Variants in CACNB2 observed in about 807,000 individuals in gnomAD.
The protein encoded by CACNB2 is voltage-dependent L-type calcium channel subunit beta-2.
Under a neutral mutation model 73.3 loss-of-function variants are expected in CACNB2, and 42 were observed. That is an observed-to-expected ratio of 0.57 (90% confidence interval 0.45 to 0.74). CACNB2 has a LOEUF of 0.74. CACNB2 is among the 30% of genes least tolerant of loss of function. CACNB2 has a pLI of 0.00. For missense variants in CACNB2, 940 were observed against 853.0 expected (o/e 1.10, Z -1.27); for synonymous variants, 348 against 310.3 (o/e 1.12, Z -1.28).
chr10:18,515,115 T>C, intron 7 of CACNB2: 2 of 1,230,170 alleles, frequency 1.6e-6, no homozygotes, highest in Non-Finnish European at 2.4e-6. Context: ...GATTTTACCA[T>C]CTCACCCTTT....
intron 3 of CACNB2, among the ~76,000 whole-genome samples, chr10:18,467,336 C>T (rs2047948614): frequency 1.3e-5 from 2 of 152,166 alleles, no homozygotes; most frequent in Non-Finnish European, 2.9e-5. Context: ...TCAGTATTGG[C>T]AATTTCACAC....
intron 3 of CACNB2, among the ~76,000 whole-genome samples, chr10:18,462,943 G>C (rs1659492188): frequency 6.6e-6 from 1 of 151,878 alleles, no homozygotes; most frequent in South Asian, 2.1e-4. Context: ...ATTTTTAGTA[G>C]AGACGGGGTT....
chr10:18,294,682 C>G (rs1342087397), intron 2 of CACNB2, among the ~76,000 whole-genome samples: 6 of 152,182 alleles, frequency 3.9e-5, no homozygotes, highest in African/African-American at 1.4e-4. Context: ...ATGTGGGACT[C>G]AAGCATTCCC....
At chr10:18,161,269 C>T (rs927442026) in intron 2 of CACNB2, among the ~76,000 whole-genome samples, 3 of 152,168 alleles carry the variant, frequency 2.0e-5, no homozygotes, top group African/African-American at 7.2e-5. Flanking sequence ...ATTATTTTGG[C>T]TTCAAGCCTG....
intron 2 of CACNB2, among the ~76,000 whole-genome samples, chr10:18,253,835 G>A (rs1025967394): frequency 8.5e-5 from 13 of 152,136 alleles, no homozygotes; most frequent in African/African-American, 2.9e-4. Context: ...AAGTTTGGGC[G>A]CGAAGACAAT....
chr10:18,257,715 G>A (rs1352329842), intron 2 of CACNB2, among the ~76,000 whole-genome samples: 1 of 152,020 alleles, frequency 6.6e-6, no homozygotes, highest in Non-Finnish European at 1.5e-5. Context: ...TGTTCCCTTG[G>A]CGTTCCCATT....
chr10:18,323,447 C>A (rs1423488680), intron 2 of CACNB2, among the ~76,000 whole-genome samples: 1 of 151,456 alleles, frequency 6.6e-6, no homozygotes, highest in Admixed American at 6.6e-5. Context: ...GTATAATATT[C>A]CATTTTAGAA....
At chr10:18,250,593 A>C (rs1472499272) in intron 2 of CACNB2, among the ~76,000 whole-genome samples, 1 of 151,670 alleles carries the variant, frequency 6.6e-6, no homozygotes, top group Non-Finnish European at 1.5e-5. Flanking sequence ...GCTAGCAATG[A>C]CTATGGACGA....
chr10:18,403,551 G>A (rs906740088), intron 3 of CACNB2, among the ~76,000 whole-genome samples: 2 of 152,168 alleles, frequency 1.3e-5, no homozygotes, highest in Non-Finnish European at 2.9e-5. Context: ...CCAATAGACT[G>A]TAGGTTTGGT....
At chr10:18,326,825 C>G (rs187398010) in intron 2 of CACNB2, among the ~76,000 whole-genome samples, 4 of 152,300 alleles carry the variant, frequency 2.6e-5, no homozygotes, top group African/African-American at 9.6e-5. Flanking sequence ...CTTCTGGGCT[C>G]AAGCAATCCT....
intron 2 of CACNB2, among the ~76,000 whole-genome samples, chr10:18,173,501 G>A (rs2033388707): frequency 6.6e-6 from 1 of 152,152 alleles, no homozygotes; most frequent in African/African-American, 2.4e-5. Flanking sequence ...ATGTATTCCT[G>A]GTTGAGAGAT....
chr10:18,421,858 C>T lies in CACNB2; in HGVS notation c.333+19815C>T, dbSNP rs1282018956. On this transcript the variant is annotated intron_variant, in intron 3 of 13. Transcript: ENST00000324631. ...GGCTGATGCTTGAAGAACTATGGAACGTTGGGGTGTATTCCTTTGCTCTCA... is the reference window on the plus strand; with the variant it reads ...GGCTGATGCTTGAAGAACTATGGAATGTTGGGGTGTATTCCTTTGCTCTCA... Among the ~76,000 whole-genome samples the T allele has an allele frequency of 3.9e-5, 6 of 152,118 alleles. No individual in the cohort carries two copies. In the East Asian group the frequency reaches 7.7e-4, roughly 20 times the overall value.
chr10:18,463,374 T>G (rs925141787), intron 3 of CACNB2, among the ~76,000 whole-genome samples: 1 of 149,980 alleles, frequency 6.7e-6, no homozygotes, highest in African/African-American at 2.5e-5. Context: ...AAAAAAAAAG[T>G]TTTTGTGTTC....
chr10:18,204,847 A>G (rs2035024126), intron 2 of CACNB2, among the ~76,000 whole-genome samples: 1 of 152,190 alleles, frequency 6.6e-6, no homozygotes, highest in African/African-American at 2.4e-5. Flanking sequence ...TATGCATTCC[A>G]TACTGTACTT....
chr10:18,293,761 C>T (rs2039164229), intron 2 of CACNB2, among the ~76,000 whole-genome samples: 1 of 152,200 alleles, frequency 6.6e-6, no homozygotes, highest in African/African-American at 2.4e-5. Flanking sequence ...AGTTTAATGA[C>T]TGCCATATTA....
At chr10:18,336,769 G>A (rs535880918) in intron 2 of CACNB2, among the ~76,000 whole-genome samples, 1 of 152,310 alleles carries the variant, frequency 6.6e-6, no homozygotes, top group African/African-American at 2.4e-5. Context: ...TATCCTCACA[G>A]AGATAAAAAA....
intron 2 of CACNB2, among the ~76,000 whole-genome samples, chr10:18,283,064 GA>G (rs1385680126): frequency 6.6e-6 from 1 of 152,120 alleles, no homozygotes; most frequent in Non-Finnish European, 1.5e-5. Flanking sequence ...ACAGACACAT[GA>G]AAAAATGCTC....
intron 2 of CACNB2, among the ~76,000 whole-genome samples, chr10:18,295,188 A>C (rs573412793): frequency 2.0e-5 from 3 of 152,250 alleles, no homozygotes; most frequent in Non-Finnish European, 1.5e-5. Context: ...AATAGGACAC[A>C]GCACTTCCAA....
chr10:18,310,074 G>A (rs1034110994), intron 2 of CACNB2, among the ~76,000 whole-genome samples: 1 of 152,006 alleles, frequency 6.6e-6, no homozygotes, highest in African/African-American at 2.4e-5. Flanking sequence ...CTCAGTTACA[G>A]TTTCTTAATT....
Sources: gnomAD v4.1 joint callset for allele counts (sites outside exome capture counted in the v4.1 genomes callset) on GRCh38, gnomAD v4.1.1 for gene constraint, MANE v1.5 for transcripts, NCBI Gene and HGNC (gene_info 2026-07-23, HGNC 2026-07-21) for gene names.